NHEJ1: variants seen among roughly 807,000 people sequenced by gnomAD.
NHEJ1 encodes the protein non-homologous end joining factor 1, also known as non-homologous end-joining factor 1.
Under a neutral mutation model 39.4 loss-of-function variants are expected in NHEJ1, and 22 were observed. The observed-to-expected ratio is 0.56, with a 90% CI of 0.40 to 0.80. The LOEUF is 0.80. Among genes scored for constraint, NHEJ1 ranks in the 30% least tolerant of loss-of-function variants. NHEJ1 has a pLI of 0.00. For synonymous variants in NHEJ1, 154 were observed against 135.6 expected (o/e 1.14, Z -0.94); for missense variants, 329 against 357.1 (o/e 0.92, Z 0.63).
At chr2:219,158,044 T>C in intron 2 of NHEJ1, 142 bp downstream of exon 2, 2 of 644,978 alleles carry the variant, frequency 3.1e-6, no homozygotes, top group East Asian at 3.5e-5. Flanking sequence ...CACACAAAGA[T>C]TCCAGGCAGA....
At chr2:219,155,418 A>T (rs1352623382) in intron 3 of NHEJ1, among the ~76,000 whole-genome samples, 3 of 151,766 alleles carry the variant, frequency 2.0e-5, no homozygotes, top group Non-Finnish European at 4.4e-5. Context: ...AATTTTTTTT[A>T]ATTTTATTTA....
intron 5 of NHEJ1, among the ~76,000 whole-genome samples, chr2:219,078,982 GT>G (rs752737078): frequency 2.6e-5 from 4 of 152,228 alleles, no homozygotes; most frequent in Non-Finnish European, 5.9e-5. Flanking sequence ...CCTTAGGGAA[GT>G]GATAATTTTT....
Position 219,069,410 on chromosome 2 carries a change from G to C in NHEJ1, c.*6971C>G, listed in dbSNP as rs1455729633. 1 of 152,252 alleles carries C rather than the reference G, an allele frequency of 6.6e-6. No homozygotes were observed. The highest frequency in any genetic ancestry group is 1.5e-5 in the Non-Finnish European group (1 of 68,060). 9.4% of individuals were successfully genotyped at this position (152,252 alleles called of 1,614,324 possible). On this transcript the variant is annotated 3_prime_UTR_variant, in exon 8 of 8. Coordinates refer to ENST00000356853, the MANE Select transcript of NHEJ1 (RefSeq NM_024782.3). ...CATATAGGGTAGGGGTGGAGCAACA[G>C]CAGAGAACACTTCAGGGTTTCTCAC...
intron 5 of NHEJ1, among the ~76,000 whole-genome samples, chr2:219,118,747 G>C (rs978563868): frequency 6.6e-6 from 1 of 152,072 alleles, no homozygotes; most frequent in Non-Finnish European, 1.5e-5. Context: ...CCCCAGGGAA[G>C]GGGGAGGCCC....
chr2:219,128,818 C>T (rs1030413663), intron 5 of NHEJ1, among the ~76,000 whole-genome samples: 2 of 152,154 alleles, frequency 1.3e-5, no homozygotes, highest in Non-Finnish European at 2.9e-5. Flanking sequence ...TTCCTCAGTT[C>T]GAGGGCCACT....
intron 3 of NHEJ1, among the ~76,000 whole-genome samples, chr2:219,149,615 CAAAAT>C (rs1221595672): frequency 2.0e-5 from 3 of 151,996 alleles, no homozygotes; most frequent in East Asian, 3.9e-4. Flanking sequence ...GATCCTGTCT[CAAAAT>C]AAAATAAAAT....
At chr2:219,106,218 C>G (rs1447633328) in intron 5 of NHEJ1, among the ~76,000 whole-genome samples, 1 of 152,156 alleles carries the variant, frequency 6.6e-6, no homozygotes, top group Non-Finnish European at 1.5e-5. Flanking sequence ...CCTTGCCTGG[C>G]TCCTGCGCCC....
chr2:219,101,700 C>T (rs756716776), intron 5 of NHEJ1, among the ~76,000 whole-genome samples: 2 of 151,782 alleles, frequency 1.3e-5, no homozygotes, highest in East Asian at 1.9e-4. Flanking sequence ...CCTCAGCCAC[C>T]GCACCCGAAC....
intron 5 of NHEJ1, chr2:219,125,445 CGA>C (rs1949506919): frequency 6.6e-6 from 1 of 152,478 alleles, no homozygotes; most frequent in African/African-American, 2.4e-5. Flanking sequence ...TCCACCCCTG[CGA>C]GCCAGGGCAA....
intron 5 of NHEJ1, among the ~76,000 whole-genome samples, chr2:219,103,369 G>T (rs561798194): frequency 6.6e-6 from 1 of 151,650 alleles, no homozygotes; most frequent in East Asian, 2.0e-4. Flanking sequence ...TCTGCCTCCC[G>T]GGTTCAAGCG....
Position 219,075,964 on chromosome 2 carries a change from A to C in NHEJ1, c.*417T>G, listed in dbSNP as rs1290530100. ...TGAGTTCCACAGCATAAGTAATCCC[A>C]AAAGCAGGGACTGTGAGTGCTTTTT... is the stretch of plus-strand genomic sequence containing the variant. On this transcript the variant is annotated 3_prime_UTR_variant, in exon 8 of 8. Transcript: ENST00000356853. 5 of 258,642 alleles carry C rather than the reference A, an allele frequency of 1.9e-5. No homozygotes were observed. The highest frequency in any genetic ancestry group is 3.0e-5 in the Non-Finnish European group (4 of 135,424). The allele number at this position is 258,642 out of a possible 1,614,324, so 16.0% of individuals were successfully genotyped here.
At position 219,073,814 on chromosome 2, in the gene NHEJ1, CAG is replaced by C. The variant is rs1474663087; in HGVS notation, c.*2565_*2566del. ...AGGTGGGCCACTGCTTTATTAAACA[CAG>C]GGAAAACTAATATTTACGGAATAAA... is the stretch of plus-strand genomic sequence containing the variant. On this transcript the variant is annotated 3_prime_UTR_variant, in exon 8 of 8. Coordinates refer to ENST00000356853, the MANE Select transcript of NHEJ1 (RefSeq NM_024782.3). Among the ~76,000 whole-genome samples the C allele has an allele frequency of 6.6e-6, 1 of 152,250 alleles. No individual in the cohort carries two copies. Among genetic ancestry groups the C allele is most frequent in the African/African-American group, 2.4e-5 (1 of 41,464 alleles).
intron 5 of NHEJ1, among the ~76,000 whole-genome samples, chr2:219,107,252 C>T (rs1477957727): frequency 6.6e-6 from 1 of 152,116 alleles, no homozygotes; most frequent in African/African-American, 2.4e-5. Context: ...GGGAGGGCTT[C>T]CCAGCAGAAG....
At chr2:219,092,090 CA>C (rs888005522) in intron 5 of NHEJ1, among the ~76,000 whole-genome samples, 9 of 152,072 alleles carry the variant, frequency 5.9e-5, no homozygotes, top group African/African-American at 2.2e-4. Context: ...GAGAGAAGAG[CA>C]GACCAGCCTG....
intron 5 of NHEJ1, among the ~76,000 whole-genome samples, chr2:219,120,482 A>G (rs1949460886): frequency 6.6e-6 from 1 of 152,240 alleles, no homozygotes; most frequent in Non-Finnish European, 1.5e-5. Flanking sequence ...GCAATGAATG[A>G]GTATATAAAA....
chr2:219,086,438 G>A (rs1949112568), intron 5 of NHEJ1, among the ~76,000 whole-genome samples: 1 of 152,096 alleles, frequency 6.6e-6, no homozygotes, highest in Non-Finnish European at 1.5e-5. Context: ...AAGGAAGTTG[G>A]TCCCTGTTCT....
chr2:219,121,193 C>A, intron 5 of NHEJ1, among the ~76,000 whole-genome samples: 1 of 148,294 alleles, frequency 6.7e-6, no homozygotes, highest in African/African-American at 2.5e-5. Context: ...GCAACAAGAG[C>A]AAAACTCTGT....
chr2:219,100,447 C>CA (rs56196554), intron 5 of NHEJ1, among the ~76,000 whole-genome samples: 72,066 of 133,910 alleles, frequency 0.54, 18,872 homozygotes, highest in Non-Finnish European at 0.6. Context: ...TACTAAAATG[C>CA]AAAAAAAAAA....
At chr2:219,083,932 C>A (rs946403441) in intron 5 of NHEJ1, among the ~76,000 whole-genome samples, 1 of 151,864 alleles carries the variant, frequency 6.6e-6, no homozygotes, top group African/African-American at 2.4e-5. Context: ...CACTCCTTGA[C>A]CTATGATGGG....
Sources: allele counts gnomAD v4.1 joint callset (sites outside exome capture counted in the v4.1 genomes callset), GRCh38; gene constraint gnomAD v4.1.1; transcripts MANE v1.5; gene names NCBI Gene and HGNC (gene_info 2026-07-23, HGNC 2026-07-21).